HSCB: variants seen among roughly 807,000 people sequenced by gnomAD.
HSCB encodes the protein iron-sulfur cluster co-chaperone protein HscB.
A neutral mutation model predicts 31.3 loss-of-function variants in HSCB; 23 were observed. The observed-to-expected ratio is 0.74, with a 90% confidence interval of 0.53 to 1.04. The LOEUF (loss-of-function observed/expected upper bound fraction) is 1.04, where lower values mean the gene tolerates loss of function less well. Among genes scored for constraint, HSCB ranks in the 50% least tolerant of loss-of-function variants. The pLI is 0.00. For synonymous variants in HSCB, 110 were observed against 104.5 expected (o/e 1.05, Z -0.32); for missense variants, 297 against 288.1 (o/e 1.03, Z -0.22).
At position 28,749,144 on chromosome 22, in the gene HSCB, G is replaced by GAA. The variant is rs5844822; in HGVS notation, c.569-2084_569-2083dup. ...CAACAGAGCGAAAACACGTCTCAAA[G>GAA]AAAAAAAAAAAAAACTTTTAAGTGG... On this transcript the variant is annotated intron_variant, in intron 4 of 5. Transcript: ENST00000216027. Among the ~76,000 whole-genome samples the GAA allele has an allele frequency of 9.1e-3, 1,310 of 144,350 alleles. 15 individuals carry two copies. The highest frequency in any genetic ancestry group is 0.028 in the African/African-American group (1,091 of 39,436). 94.7% of individuals were successfully genotyped at this position (144,350 alleles called of 152,430 possible).
At chr22:28,755,303 A>G (rs1017210671) in intron 5 of HSCB, among the ~76,000 whole-genome samples, 2 of 151,756 alleles carry the variant, frequency 1.3e-5, no homozygotes, top group Non-Finnish European at 2.9e-5. Flanking sequence ...CCAGCTACTC[A>G]GGAGGCTGAG....
At chr22:28,743,732 T>C in intron 1 of HSCB, 150 bp from the exon 2 acceptor site, 1 of 640,244 alleles carries the variant, frequency 1.6e-6, no homozygotes, top group Non-Finnish European at 2.8e-6. Context: ...TCTCTGACTC[T>C]GTTCTGTGTC....
intron 5 of HSCB, among the ~76,000 whole-genome samples, chr22:28,756,346 T>C (rs749871542): frequency 6.6e-6 from 1 of 151,986 alleles, no homozygotes; most frequent in African/African-American, 2.4e-5. Flanking sequence ...ACCTGAACTG[T>C]AAGCCCCCTG....
chr22:28,748,288 A>G (rs2029964854), intron 4 of HSCB, among the ~76,000 whole-genome samples: 1 of 152,190 alleles, frequency 6.6e-6, no homozygotes, highest in African/African-American at 2.4e-5. Context: ...CTTCTTCCTT[A>G]TGCCCATAGT....
At chr22:28,744,336 G>C (rs2054647162) in intron 2 of HSCB, among the ~76,000 whole-genome samples, 1 of 152,182 alleles carries the variant, frequency 6.6e-6, no homozygotes, top group Non-Finnish European at 1.5e-5. Flanking sequence ...CAGATCACTT[G>C]AAGTCAGGAG....
chr22:28,746,716 AT>A (rs2054698890), intron 4 of HSCB, among the ~76,000 whole-genome samples: 1 of 152,106 alleles, frequency 6.6e-6, no homozygotes, highest in Non-Finnish European at 1.5e-5. Flanking sequence ...CCAGGCCAAC[AT>A]GGAGAAACCC....
At chr22:28,742,683 AC>A (rs1456384278) in intron 1 of HSCB, 1 of 354,158 alleles carries the variant, frequency 2.8e-6, no homozygotes, top group Non-Finnish European at 5.3e-6. Flanking sequence ...AGGAAAGGGT[AC>A]TTGAGGGGCA....
chr22:28,743,977 A>T lies in HSCB; in HGVS notation c.332A>T (p.Gln111Leu). The T allele has an allele frequency of 1.2e-6, 2 of 1,612,364 alleles. No individual in the cohort carries two copies. Among genetic ancestry groups the T allele is most frequent in the Non-Finnish European group, 1.7e-6 (2 of 1,178,386 alleles). The change falls in exon 2 of 6, where the codon CAG becomes CTG. Residue 111 changes from glutamine to leucine, a missense_variant and splice_region_variant. Gln to Leu is a moderately radical substitution (Grantham distance 113). Transcript: ENST00000216027. ...VHPDFFSQRS[Q>L]TEKDFSEKHS... ...CCAGATTTCTTCAGCCAGAGGTCTC[A>T]GGTAGCTTATTGGCCAACCCCAATA... is the stretch of plus-strand genomic sequence containing the variant.
Position 28,757,373 on chromosome 22 carries a change from T to C in HSCB, c.*204T>C, listed in dbSNP as rs2030677430. On this transcript the variant is annotated 3_prime_UTR_variant, in exon 6 of 6. Coordinates refer to ENST00000216027, the MANE Select transcript of HSCB (RefSeq NM_172002.5). ...GGTGGCGCGTGCCTGTAATCCCAGC[T>C]ACTTGGTAGGCCGAGGCAGGAGAAT... 2.4e-6 allele frequency: 1 copy of C among 412,984 alleles called. No homozygotes were observed. Among genetic ancestry groups the C allele is most frequent in the Non-Finnish European group, 4.5e-6 (1 of 219,844 alleles). 25.6% of individuals were successfully genotyped at this position (412,984 alleles called of 1,614,324 possible). A position where few individuals can be genotyped will look rare whatever the true frequency, so the allele number is the denominator to read the frequency against.
chr22:28,742,592 G>C (rs1238474569), intron 1 of HSCB: 4 of 533,498 alleles, frequency 7.5e-6, no homozygotes, highest in East Asian at 6.4e-5. Flanking sequence ...GAGGAAATAG[G>C]GGGGCCGAGG....
intron 4 of HSCB, among the ~76,000 whole-genome samples, chr22:28,746,335 C>G (rs1366299624): frequency 7.5e-6 from 1 of 133,762 alleles, no homozygotes; most frequent in African/African-American, 2.9e-5. Flanking sequence ...AAGCGGAGAT[C>G]AGGCCACTGC....
chr22:28,757,178 AG>A lies in HSCB; in HGVS notation c.*10del, dbSNP rs2030665614. ...AGAAGATTCCCCTTTAATTGTGGAT[AG>A]TTTAAAGTTTAAAAAATAAAGTTCT... On this transcript the variant is annotated 3_prime_UTR_variant, in exon 6 of 6. Coordinates refer to ENST00000216027, the MANE Select transcript of HSCB (RefSeq NM_172002.5). 7.3e-7 allele frequency: 1 copy of A among 1,368,352 alleles called. No individual in the cohort carries two copies. Among genetic ancestry groups the A allele is most frequent in the African/African-American group, 1.4e-5 (1 of 69,972 alleles). 84.8% of individuals were successfully genotyped at this position (1,368,352 alleles called of 1,614,324 possible).
In HSCB at chr22:28,757,385, C is replaced by T. The variant is rs1404843967; in HGVS notation, c.*216C>T. ...CTGTAATCCCAGCTACTTGGTAGGC[C>T]GAGGCAGGAGAATCGCTTAAACCCG... On this transcript the variant is annotated 3_prime_UTR_variant, in exon 6 of 6. Coordinates refer to ENST00000216027, the MANE Select transcript of HSCB (RefSeq NM_172002.5). 5.1e-6 allele frequency: 2 copies of T among 393,714 alleles called. No individual in the cohort carries two copies. The highest frequency in any genetic ancestry group is 6.1e-5 in the East Asian group (1 of 16,312). The allele number at this position is 393,714 out of a possible 1,614,324, so 24.4% of individuals were successfully genotyped here.
At chr22:28,751,201 AT>A (rs2030225797) in intron 4 of HSCB, 39 bp from the exon 5 acceptor site, 1 of 1,306,908 alleles carries the variant, frequency 7.7e-7, no homozygotes, top group Admixed American at 1.8e-5. Context: ...TTATGAGTCT[AT>A]TTCAATGGAA....
intron 2 of HSCB, 66 bp downstream of exon 2, chr22:28,744,044 G>T: frequency 8.3e-7 from 1 of 1,211,864 alleles, no homozygotes; most frequent in Non-Finnish European, 1.2e-6. Context: ...GTAGCCTTGT[G>T]GTTATGTGAT....
chr22:28,756,265 G>T (rs1216024542), intron 5 of HSCB, among the ~76,000 whole-genome samples: 1 of 148,544 alleles, frequency 6.7e-6, no homozygotes, highest in African/African-American at 2.5e-5. Flanking sequence ...AAAAAAAAAA[G>T]GAAAATCACC....
intron 5 of HSCB, among the ~76,000 whole-genome samples, chr22:28,752,820 C>T (rs1051719365): frequency 1.1e-4 from 17 of 151,646 alleles, no homozygotes; most frequent in African/African-American, 3.9e-4. Flanking sequence ...GTGGCTCACG[C>T]CTGTAATCCC....
chr22:28,742,718 G>C (rs1238656080), intron 1 of HSCB: 2 of 262,774 alleles, frequency 7.6e-6, no homozygotes, highest in African/African-American at 4.4e-5. Flanking sequence ...TGGAAGACTT[G>C]AATGAATAGG....
chr22:28,749,816 G>A (rs184627006), intron 4 of HSCB, among the ~76,000 whole-genome samples: 93 of 152,256 alleles, frequency 6.1e-4, no homozygotes, highest in Admixed American at 5.4e-3. Flanking sequence ...TCTGGAGTGA[G>A]GGCAGCGTGC....
Sources: allele counts gnomAD v4.1 joint callset (sites outside exome capture counted in the v4.1 genomes callset), GRCh38; gene constraint gnomAD v4.1.1; transcripts MANE v1.5; gene names NCBI Gene and HGNC (gene_info 2026-07-23, HGNC 2026-07-21).